ITPRID1: variants seen among roughly 807,000 people sequenced by gnomAD.
The protein encoded by ITPRID1 is protein ITPRID1.
ITPRID1 carries 96 observed loss-of-function variants against 95.4 expected under a neutral mutation model. The observed-to-expected ratio is 1.01, with a 90% confidence interval of 0.85 to 1.19. The LOEUF is 1.19. ITPRID1 is among the 50% of genes most tolerant of loss of function. The pLI, the probability that ITPRID1 is intolerant of heterozygous loss-of-function variation, is 0.00. For missense variants in ITPRID1, 1,339 were observed against 1,252.9 expected (o/e 1.07, Z -1.04); for synonymous variants, 510 against 453.6 (o/e 1.12, Z -1.58).
intron 10 of ITPRID1, among the ~76,000 whole-genome samples, chr7:31,631,352 A>G (rs16875620): frequency 0.014 from 2,071 of 152,336 alleles, 54 homozygotes; most frequent in African/African-American, 0.047. Context: ...TATGAAAAAC[A>G]AGATATAAAA....
chr7:31,624,930 AAAAC>A (rs1437595061), intron 10 of ITPRID1, among the ~76,000 whole-genome samples: 2 of 152,224 alleles, frequency 1.3e-5, no homozygotes, highest in Non-Finnish European at 2.9e-5. Flanking sequence ...TTACAAGAAA[AAAAC>A]AAACAACCCC....
intron 1 of ITPRID1, among the ~76,000 whole-genome samples, chr7:31,518,734 C>A (rs1270673849): frequency 6.6e-6 from 1 of 152,120 alleles, no homozygotes; most frequent in Non-Finnish European, 1.5e-5. Flanking sequence ...AAATAATTAT[C>A]CTTGTATTTT....
At chr7:31,636,467 C>T (rs1789490710) in intron 10 of ITPRID1, among the ~76,000 whole-genome samples, 1 of 152,162 alleles carries the variant, frequency 6.6e-6, no homozygotes, top group Non-Finnish European at 1.5e-5. Context: ...GAGAGTCCTT[C>T]AGTTTGTTGT....
intron 10 of ITPRID1, among the ~76,000 whole-genome samples, chr7:31,589,134 TTATAA>T (rs1157721348): frequency 6.6e-6 from 1 of 151,894 alleles, no homozygotes; most frequent in African/African-American, 2.4e-5. Context: ...AAAAAAAGAA[TTATAA>T]TAAATAATAA....
At position 31,654,411 on chromosome 7, in the gene ITPRID1, C is replaced by G. The variant is rs1162392092; in HGVS notation, c.*1582C>G. ...ATAGGCCATGACCAAGTCTTTGCAT[C>G]TGAATCCTTTTTCCAAGGGTAATGG... On this transcript the variant is annotated 3_prime_UTR_variant, in exon 15 of 15. Coordinates refer to ENST00000615280, the MANE Select transcript of ITPRID1 (RefSeq NM_001257967.3). 6.6e-6 allele frequency among the ~76,000 whole-genome samples: 1 copy of G among 152,182 alleles called. No homozygotes were observed.
chr7:31,578,321 T>A lies in ITPRID1; in HGVS notation c.1057T>A (p.Ser353Thr). 8 of 1,613,916 alleles carry A rather than the reference T, an allele frequency of 5.0e-6. No homozygotes were observed. The highest frequency in any genetic ancestry group is 6.8e-6 in the Non-Finnish European group (8 of 1,179,834). The change falls in exon 9 of 15, where the codon TCT (serine) becomes ACT (threonine). Residue 353 changes from serine (S) to threonine (T), a missense_variant. By Grantham distance (58) the Ser-to-Thr change is moderately conservative (BLOSUM62 1). Coordinates refer to ENST00000615280, the MANE Select transcript of ITPRID1 (RefSeq NM_001257967.3). ...PAKQAPPSCVSEGSVKGRTQK... is the reference protein window; with the variant it reads ...PAKQAPPSCVTEGSVKGRTQK... ...CAAGCAGGCTCCTCCTTCCTGTGTG[T>A]CTGAGGGGTCAGTCAAGGGCAGAAC...
chr7:31,570,006 T>G (rs1407757554), intron 6 of ITPRID1, among the ~76,000 whole-genome samples, 197 bp downstream of exon 6: 1 of 152,186 alleles, frequency 6.6e-6, no homozygotes, highest in African/African-American at 2.4e-5. Flanking sequence ...ATCATAAAAT[T>G]GTGAGCAAAT....
chr7:31,614,879 T>TA (rs1205601111), intron 10 of ITPRID1, among the ~76,000 whole-genome samples: 2 of 152,206 alleles, frequency 1.3e-5, no homozygotes, highest in African/African-American at 4.8e-5. Flanking sequence ...TTATATTTTT[T>TA]ATCACAAGGA....
At chr7:31,566,970 CT>C (rs1241728533) in intron 5 of ITPRID1, among the ~76,000 whole-genome samples, 3 of 151,994 alleles carry the variant, frequency 2.0e-5, no homozygotes, top group Non-Finnish European at 4.4e-5. Context: ...CAGAACAGCT[CT>C]TTTTAAATTT....
chr7:31,615,113 A>AAGTT (rs998346379), intron 10 of ITPRID1, among the ~76,000 whole-genome samples: 1 of 152,222 alleles, frequency 6.6e-6, no homozygotes, highest in African/African-American at 2.4e-5. Flanking sequence ...AAAATTCTAA[A>AAGTT]AGTTATATAA....
chr7:31,598,467 T>C (rs562177741), intron 10 of ITPRID1, among the ~76,000 whole-genome samples: 5 of 145,888 alleles, frequency 3.4e-5, no homozygotes, highest in Non-Finnish European at 7.5e-5. Flanking sequence ...GCAGTGGCGC[T>C]ATCTCGGCTC....
rs182435786 is a variant in ITPRID1, at chr7:31,588,712, A to G, written c.1228+5521A>G. Reference sequence around the variant, plus strand: ...GGAAATGATAATAGCTGAAAAGAGAAGGAGGAAAATCACAGAAAGGAGAGA... The same window carrying G: ...GGAAATGATAATAGCTGAAAAGAGAGGGAGGAAAATCACAGAAAGGAGAGA... On this transcript the variant is annotated intron_variant, in intron 10 of 14. Transcript: ENST00000615280. 2.7e-3 allele frequency among the ~76,000 whole-genome samples: 414 copies of G among 152,124 alleles called. 1 individual carries two copies. The highest frequency in any genetic ancestry group is 9.5e-3 in the African/African-American group (396 of 41,530).
rs186799272 is a variant in ITPRID1, at chr7:31,639,582, G to C, written c.1229-2594G>C. On this transcript the variant is annotated intron_variant, in intron 10 of 14. Transcript: ENST00000615280. ...GATGGAGTCTCACTCTGTCTCCCAGGCTGGAGTGCAGTGGCGCAATCTCAG... is the reference window on the plus strand; with the variant it reads ...GATGGAGTCTCACTCTGTCTCCCAGCCTGGAGTGCAGTGGCGCAATCTCAG... Among the ~76,000 whole-genome samples the C allele has an allele frequency of 1.9e-4, 28 of 148,378 alleles. No individual in the cohort carries two copies. In the East Asian group the frequency reaches 5.6e-3, roughly 29 times the overall value.
chr7:31,608,236 C>G (rs1288042366), intron 10 of ITPRID1, among the ~76,000 whole-genome samples: 3 of 151,988 alleles, frequency 2.0e-5, no homozygotes, highest in African/African-American at 7.2e-5. Flanking sequence ...TGTCTGTATA[C>G]TACTAACACA....
intron 2 of ITPRID1, 64 bp downstream of exon 2, chr7:31,549,563 T>A (rs1784213812): frequency 1.7e-6 from 2 of 1,190,540 alleles, no homozygotes; most frequent in Non-Finnish European, 2.4e-6. Context: ...GTTTATTTCA[T>A]ACTCATTATA....
At chr7:31,565,323 T>C (rs1784760497) in intron 5 of ITPRID1, among the ~76,000 whole-genome samples, 1 of 152,228 alleles carries the variant, frequency 6.6e-6, no homozygotes, top group South Asian at 2.1e-4. Flanking sequence ...TAAAAAATCA[T>C]ATTCAGTTTT....
chr7:31,527,351 C>T (rs1403995469), intron 1 of ITPRID1, among the ~76,000 whole-genome samples: 1 of 152,166 alleles, frequency 6.6e-6, no homozygotes, highest in African/African-American at 2.4e-5. Flanking sequence ...CCCTAGTATG[C>T]AGTATGTCAA....
Position 31,642,931 on chromosome 7 carries a change from GA to G in ITPRID1, c.1562del (p.Asp521AlafsTer50). On this transcript the variant is annotated frameshift_variant, in exon 12 of 15. Coordinates refer to ENST00000615280, the MANE Select transcript of ITPRID1 (RefSeq NM_001257967.3). LOFTEE classifies it high-confidence loss of function. ...MEGPPELYIP[D>X]MACAKTTTRG... Reference sequence around the variant, plus strand: ...GGGGCCACCAGAGCTGTATATCCCAGACATGGCCTGTGCCAAGACCACCACG... The same window carrying G: ...GGGGCCACCAGAGCTGTATATCCCAGCATGGCCTGTGCCAAGACCACCACG... 1 of 1,614,024 alleles carries G rather than the reference GA, an allele frequency of 6.2e-7. No homozygotes were observed. Among genetic ancestry groups the G allele is most frequent in the African/African-American group, 1.3e-5 (1 of 75,054 alleles).
At position 31,655,855 on chromosome 7, in the gene ITPRID1, G is replaced by A. The variant is rs887143598; in HGVS notation, c.*3026G>A. On this transcript the variant is annotated 3_prime_UTR_variant, in exon 15 of 15. Coordinates refer to ENST00000615280, the MANE Select transcript of ITPRID1 (RefSeq NM_001257967.3). ...GCAGTTTCTTCCTTGCTCCTTCCCT[G>A]TAACGCCTACGGAATGAAGAGGAAC... is the stretch of plus-strand genomic sequence containing the variant. 2.0e-6 allele frequency: 2 copies of A among 985,374 alleles called. No individual in the cohort carries two copies. Among genetic ancestry groups the A allele is most frequent in the African/African-American group, 3.5e-5 (2 of 57,214 alleles). 61.0% of individuals were successfully genotyped at this position (985,374 alleles called of 1,614,324 possible).
Sources: allele counts gnomAD v4.1 joint callset (sites outside exome capture counted in the v4.1 genomes callset), GRCh38; gene constraint gnomAD v4.1.1; transcripts MANE v1.5; gene names NCBI Gene and HGNC (gene_info 2026-07-23, HGNC 2026-07-21).